Variants in GRIA4 observed in about 807,000 individuals in gnomAD.
The protein encoded by GRIA4 is glutamate receptor 4.
A neutral mutation model predicts 104.0 loss-of-function variants in GRIA4; 34 were observed. The ratio of observed to expected loss-of-function variants is 0.33; its 90% confidence interval spans 0.25 to 0.44. The LOEUF is 0.44. Among genes scored for constraint, GRIA4 ranks in the 20% least tolerant of loss-of-function variants. GRIA4 has a pLI of 1.00. For synonymous variants in GRIA4, 386 were observed against 381.9 expected (o/e 1.01, Z -0.13); for missense variants, 750 against 1,096.5 (o/e 0.68, Z 4.46).
At position 105,797,524 on chromosome 11, in the gene GRIA4, T is replaced by C. The variant is rs1942532366; in HGVS notation, c.487+44304T>C. 1.3e-5 allele frequency among the ~76,000 whole-genome samples: 2 copies of C among 152,192 alleles called. 1 individual carries two copies. Among genetic ancestry groups the C allele is most frequent in the Admixed American group, 1.3e-4 (2 of 15,264 alleles). ...AAATCTCAACTCTCATGTGTTTTTC[T>C]TGGAATACCACCTGCCATATTAAAA... On this transcript the variant is annotated intron_variant, in intron 4 of 16. Transcript: ENST00000282499.
chr11:105,913,044 CTTAT>C (rs1198172370), intron 10 of GRIA4: 46 of 902,948 alleles, frequency 5.1e-5, no homozygotes, highest in Non-Finnish European at 6.0e-5. Flanking sequence ...TGTGTATGTT[CTTAT>C]TTATATGTTG....
intron 4 of GRIA4, among the ~76,000 whole-genome samples, chr11:105,796,227 A>C (rs1217237075): frequency 1.3e-5 from 2 of 152,200 alleles, no homozygotes; most frequent in Admixed American, 6.6e-5. Flanking sequence ...AATGCAGTAC[A>C]TTTGGCAAGA....
rs117325260 is a variant in GRIA4, at chr11:105,680,510, G to C, written c.247+68076G>C. On this transcript the variant is annotated intron_variant, in intron 3 of 16. Coordinates refer to ENST00000282499, the MANE Select transcript of GRIA4 (RefSeq NM_000829.4). Reference sequence around the variant, plus strand: ...CTGCTTGAGAATGGTGAAGAACATAGTAAGACTAGTGGTTTTTGTGTGTAT... The same window carrying C: ...CTGCTTGAGAATGGTGAAGAACATACTAAGACTAGTGGTTTTTGTGTGTAT... Among the ~76,000 whole-genome samples, 695 of 152,186 alleles carry C rather than the reference G, an allele frequency of 4.6e-3. 9 individuals carry two copies. Among genetic ancestry groups the C allele is most frequent in the East Asian group, 0.043 (223 of 5,138 alleles).
chr11:105,611,186 C>A, intron 2 of GRIA4, 101 bp downstream of exon 2: 1 of 804,618 alleles, frequency 1.2e-6, no homozygotes, highest in Non-Finnish European at 2.2e-6. Flanking sequence ...AAACCTTCAG[C>A]AGTTCCCTTC....
At chr11:105,701,557 T>C (rs746930415) in intron 3 of GRIA4, among the ~76,000 whole-genome samples, 5 of 152,020 alleles carry the variant, frequency 3.3e-5, no homozygotes, top group Non-Finnish European at 5.9e-5. Flanking sequence ...TAGGAGAGAG[T>C]GCATGTGTTC....
At chr11:105,958,313 T>C (rs648666) in intron 14 of GRIA4, among the ~76,000 whole-genome samples, 6 of 152,240 alleles carry the variant, frequency 3.9e-5, no homozygotes, top group Non-Finnish European at 5.9e-5. Context: ...TGAGAGGTTT[T>C]AGCATGAAGG....
At chr11:105,661,793 G>T (rs940151826) in intron 3 of GRIA4, among the ~76,000 whole-genome samples, 2 of 151,720 alleles carry the variant, frequency 1.3e-5, no homozygotes, top group African/African-American at 2.4e-5. Flanking sequence ...GAGCCCACTT[G>T]TCCCTAGGGA....
chr11:105,930,828 C>G (rs1397160887), intron 13 of GRIA4, among the ~76,000 whole-genome samples: 3 of 152,064 alleles, frequency 2.0e-5, no homozygotes, highest in Non-Finnish European at 4.4e-5. Flanking sequence ...AATATTCACA[C>G]TGATTTTATT....
At chr11:105,951,494 G>A (rs1157376424) in intron 14 of GRIA4, among the ~76,000 whole-genome samples, 3 of 152,188 alleles carry the variant, frequency 2.0e-5, no homozygotes, top group African/African-American at 7.2e-5. Flanking sequence ...TTTGAGCACA[G>A]TGATAACAAC....
At position 105,666,004 on chromosome 11, in the gene GRIA4, A is replaced by T. The variant is rs139797901; in HGVS notation, c.247+53570A>T. 4.2e-3 allele frequency among the ~76,000 whole-genome samples: 638 copies of T among 152,174 alleles called. 2 individuals are homozygous for T. The highest frequency in any genetic ancestry group is 6.8e-3 in the Non-Finnish European group (464 of 67,978). On this transcript the variant is annotated intron_variant, in intron 3 of 16. Transcript: ENST00000282499. ...GACAGGGAATAACTAGTGATCAGTC[A>T]AATGAAATTCAGGTATTCATCAAAA...
At chr11:105,978,190 C>T (rs1424015161) in intron 16 of GRIA4, among the ~76,000 whole-genome samples, 1 of 151,988 alleles carries the variant, frequency 6.6e-6, no homozygotes, top group Non-Finnish European at 1.5e-5. Flanking sequence ...ATCCACTCAA[C>T]AAATATTTAC....
chr11:105,794,512 T>TATATATATACAC (rs1313325715), intron 4 of GRIA4, among the ~76,000 whole-genome samples: 2 of 106,892 alleles, frequency 1.9e-5, no homozygotes, highest in African/African-American at 7.6e-5. Context: ...TATATATATA[T>TATATATATACAC]ACATATACAC....
At position 105,838,248 on chromosome 11, in the gene GRIA4, A is replaced by T. The variant is rs191803227; in HGVS notation, c.488-23776A>T. ...CTGGAAATTCCATGTCTGCAAATTA[A>T]GCGGTAACATCAGTCTTTTTCTACA... On this transcript the variant is annotated intron_variant, in intron 4 of 16. Transcript: ENST00000282499. 1.7e-4 allele frequency among the ~76,000 whole-genome samples: 26 copies of T among 152,320 alleles called. No individual in the cohort carries two copies. The East Asian group carries it at 4.6e-3, about 27-fold the overall frequency.
intron 4 of GRIA4, among the ~76,000 whole-genome samples, chr11:105,819,195 T>A (rs373810484): frequency 6.6e-6 from 1 of 152,298 alleles, no homozygotes; most frequent in South Asian, 2.1e-4. Flanking sequence ...TTTATGTGCA[T>A]GCTCTGATTG....
At chr11:105,958,906 A>C (rs2136256303) in intron 14 of GRIA4, among the ~76,000 whole-genome samples, 1 of 152,262 alleles carries the variant, frequency 6.6e-6, no homozygotes, top group East Asian at 1.9e-4. Context: ...TGGGTTGAAA[A>C]TTCTTTCCTT....
At position 105,734,394 on chromosome 11, in the gene GRIA4, C is replaced by A. The variant is rs555328700; in HGVS notation, c.248-18587C>A. Among the ~76,000 whole-genome samples the A allele has an allele frequency of 2.6e-5, 4 of 152,218 alleles. No homozygotes were observed. The South Asian group carries it at 8.3e-4, about 32-fold the overall frequency. The stretch of plus-strand genomic sequence containing the variant: ...TTTCTCTTGCTCTTCACAGCCCTTG[C>A]ATTCTAAGCTTTCAACAACTTTTGG... On this transcript the variant is annotated intron_variant, in intron 3 of 16. Transcript: ENST00000282499.
chr11:105,661,891 A>G (rs1387813611), intron 3 of GRIA4, among the ~76,000 whole-genome samples: 1 of 151,956 alleles, frequency 6.6e-6, no homozygotes, highest in East Asian at 1.9e-4. Context: ...TCACGCTTAT[A>G]TATTTCTATG....
At chr11:105,616,698 G>T (rs1321937611) in intron 3 of GRIA4, among the ~76,000 whole-genome samples, 1 of 151,590 alleles carries the variant, frequency 6.6e-6, no homozygotes, top group Non-Finnish European at 1.5e-5. Context: ...AAATTCTGAT[G>T]ATTTGACTTG....
chr11:105,784,268 G>T (rs1012719015), intron 4 of GRIA4, among the ~76,000 whole-genome samples: 2 of 152,046 alleles, frequency 1.3e-5, no homozygotes, highest in African/African-American at 4.8e-5. Flanking sequence ...TATTGTTTTT[G>T]CAAATTAATT....
Sources: gnomAD v4.1 joint callset for allele counts (sites outside exome capture counted in the v4.1 genomes callset) on GRCh38, gnomAD v4.1.1 for gene constraint, MANE v1.5 for transcripts, NCBI Gene and HGNC (gene_info 2026-07-23, HGNC 2026-07-21) for gene names.